C1orf159: variants seen among roughly 807,000 people sequenced by gnomAD.
C1orf159 encodes the protein chromosome 1 open reading frame 159.
A neutral mutation model predicts 25.6 loss-of-function variants in C1orf159; 19 were observed. The observed-to-expected ratio is 0.74, with a 90% CI of 0.52 to 1.09. C1orf159 has a LOEUF of 1.09. Ranked by LOEUF, C1orf159 falls within the 50% of genes least tolerant of loss-of-function variation. The pLI is 0.00. For missense variants in C1orf159, 274 were observed against 290.6 expected (o/e 0.94, Z 0.42); for synonymous variants, 139 against 124.7 (o/e 1.12, Z -0.77).
chr1:1,083,485 G>A (rs554388187), intron 9 of C1orf159: 86 of 216,160 alleles, frequency 4.0e-4, no homozygotes, highest in Admixed American at 3.7e-3. Flanking sequence ...TGGGGGAGAC[G>A]CCGTGGGACC....
intron 1 of C1orf159, among the ~76,000 whole-genome samples, chr1:1,103,121 G>C (rs1646125683): frequency 6.6e-6 from 1 of 152,184 alleles, no homozygotes; most frequent in Non-Finnish European, 1.5e-5. Context: ...GGGATTACAG[G>C]CGTGAGCCAC....
chr1:1,112,913 C>T (rs973380613), intron 1 of C1orf159, among the ~76,000 whole-genome samples: 19 of 152,178 alleles, frequency 1.2e-4, no homozygotes, highest in African/African-American at 3.6e-4. Context: ...TTGCCTTAGT[C>T]GGTGGGGTGC....
intron 1 of C1orf159, among the ~76,000 whole-genome samples, chr1:1,108,413 C>G (rs1198544207): frequency 8.3e-6 from 1 of 120,224 alleles, no homozygotes; most frequent in African/African-American, 4.1e-5. Flanking sequence ...GCCACCATGT[C>G]TCAGCAGCAC....
Position 1,091,526 on chromosome 1 carries a change from G to C in C1orf159, c.18C>G (p.Leu6=), listed in dbSNP as rs115833058. MALRH[L]ALLAGLLVGV... is the part of the protein sequence containing the mutation. ...CCACGAGAAGGCCAGCCAGGAGGGCGAGGTGCCGCAGCGCCATGCCAGGAG... is the reference window on the plus strand; with the variant it reads ...CCACGAGAAGGCCAGCCAGGAGGGCCAGGTGCCGCAGCGCCATGCCAGGAG... The change falls in exon 3 of 10, where the codon CTC becomes CTG. Residue 6 remains leucine, a synonymous_variant. Transcript: ENST00000421241. The C allele has an allele frequency of 6.5e-7, 1 of 1,549,896 alleles. No individual in the cohort carries two copies. The highest frequency in any genetic ancestry group is 2.0e-5 in the Admixed American group (1 of 51,000).
At chr1:1,086,980 G>A (rs1361335546) in intron 6 of C1orf159, among the ~76,000 whole-genome samples, 159 bp downstream of exon 6, 1 of 152,140 alleles carries the variant, frequency 6.6e-6, no homozygotes, top group Non-Finnish European at 1.5e-5. Context: ...ACCCACACCA[G>A]CTGACCCCAA....
intron 9 of C1orf159, chr1:1,084,071 C>T (rs1337617568): frequency 2.5e-6 from 4 of 1,607,028 alleles, no homozygotes; most frequent in Non-Finnish European, 3.4e-6. Context: ...GTCCTCCTTT[C>T]CTGCAGACCC....
rs1028397260 is a variant in C1orf159, at chr1:1,089,934, A to T, written c.148+419T>A. The stretch of plus-strand genomic sequence containing the variant: ...CCGGCATCCTCGTGGCGTCCTGTTG[A>T]TTGGCATTCCACTCCACGCACCAGG... On this transcript the variant is annotated intron_variant, in intron 4 of 9. Coordinates refer to ENST00000421241, the MANE Select transcript of C1orf159 (RefSeq NM_017891.5). The surrounding 1 kb of genome is among the most constrained non-coding windows in gnomAD (Gnocchi z 7.5). Among the ~76,000 whole-genome samples, 4 of 152,124 alleles carry T rather than the reference A, an allele frequency of 2.6e-5. No individual in the cohort carries two copies. Among genetic ancestry groups the T allele is most frequent in the Non-Finnish European group, 5.9e-5 (4 of 68,014 alleles).
At chr1:1,112,415 C>T (rs1031045706) in intron 1 of C1orf159, among the ~76,000 whole-genome samples, 1 of 151,244 alleles carries the variant, frequency 6.6e-6, no homozygotes, top group Non-Finnish European at 1.5e-5. Flanking sequence ...GTGAACACAA[C>T]GCACACGCTC....
chr1:1,091,829 G>A (rs1645943531), intron 2 of C1orf159, 162 bp downstream of exon 2: 4 of 501,122 alleles, frequency 8.0e-6, no homozygotes, highest in Non-Finnish European at 7.5e-6. Flanking sequence ...GGGGTGGGGC[G>A]GGGCCGCGGC....
chr1:1,105,555 C>T (rs1217663126), intron 1 of C1orf159, among the ~76,000 whole-genome samples: 1 of 151,952 alleles, frequency 6.6e-6, no homozygotes, highest in Non-Finnish European at 1.5e-5. Flanking sequence ...AAACAATATA[C>T]CCTTAAATAT....
chr1:1,082,866 G>C lies in C1orf159; in HGVS notation c.*27C>G, dbSNP rs1196271539. ...TCGGCCTCCGGGTCCCTGCCGCCAA[G>C]TGCGTGGCGTGGTCTCGGCCTCCAG... On this transcript the variant is annotated 3_prime_UTR_variant, in exon 10 of 10. Coordinates refer to ENST00000421241, the MANE Select transcript of C1orf159 (RefSeq NM_017891.5). 1 of 1,557,430 alleles carries C rather than the reference G, an allele frequency of 6.4e-7. No individual in the cohort carries two copies. Among genetic ancestry groups the C allele is most frequent in the South Asian group, 1.2e-5 (1 of 84,996 alleles).
intron 6 of C1orf159, among the ~76,000 whole-genome samples, chr1:1,086,821 G>A (rs138512905): frequency 0.012 from 1,788 of 151,992 alleles, 44 homozygotes; most frequent in African/African-American, 0.039. Context: ...AAGAGCGTGC[G>A]GTGTGGCCGT....
At chr1:1,104,764 C>G (rs1051406260) in intron 1 of C1orf159, among the ~76,000 whole-genome samples, 1 of 151,808 alleles carries the variant, frequency 6.6e-6, no homozygotes, top group Non-Finnish European at 1.5e-5. Context: ...CTGGTCGAGC[C>G]GGGAACGCAC....
chr1:1,107,254 T>A (rs1378882074), intron 1 of C1orf159, among the ~76,000 whole-genome samples: 1 of 152,238 alleles, frequency 6.6e-6, no homozygotes, highest in African/African-American at 2.4e-5. Context: ...AGAACTTTTA[T>A]GTCTAGCTGG....
In C1orf159 at chr1:1,087,325, C is replaced by A; in HGVS notation, c.245-121G>T. 8.2e-7 allele frequency: 1 copy of A among 1,220,512 alleles called. No homozygotes were observed. The highest frequency in any genetic ancestry group is 1.1e-6 in the Non-Finnish European group (1 of 889,470). 75.6% of individuals were successfully genotyped at this position (1,220,512 alleles called of 1,614,324 possible). A position where few individuals can be genotyped will look rare whatever the true frequency, so the allele number is the denominator to read the frequency against. On this transcript the variant is annotated intron_variant, in intron 5 of 9. Transcript: ENST00000421241. The surrounding 1 kb of genome is among the most constrained non-coding windows in gnomAD (Gnocchi z 8.3). ...GCGAGGGGCTGAGGGGGCGGAGCAG[C>A]CCTCACCACAGAGCTGTCCCGAATG...
intron 3 of C1orf159, chr1:1,091,068 C>CT: frequency 8.6e-7 from 1 of 1,169,048 alleles, no homozygotes; most frequent in Non-Finnish European, 1.2e-6. Context: ...GGCCCAGGTC[C>CT]GGTCCCTCAA....
chr1:1,093,423 G>A lies in C1orf159; in HGVS notation c.-135-1320C>T, dbSNP rs528382227. Among the ~76,000 whole-genome samples, 12 of 152,302 alleles carry A rather than the reference G, an allele frequency of 7.9e-5. No homozygotes were observed. The East Asian group carries it at 1.7e-3, about 22-fold the overall frequency. ...CCACATCCGTGTAAAGTACACAAGCGGGTGAGTGTGACCACCCCCTTGAAG... is the reference window on the plus strand; with the variant it reads ...CCACATCCGTGTAAAGTACACAAGCAGGTGAGTGTGACCACCCCCTTGAAG... On this transcript the variant is annotated intron_variant, in intron 1 of 9. Transcript: ENST00000421241.
chr1:1,084,812 C>G (rs1163544040), intron 7 of C1orf159, among the ~76,000 whole-genome samples: 1 of 152,146 alleles, frequency 6.6e-6, no homozygotes, highest in Non-Finnish European at 1.5e-5. Context: ...GACAAGCCCC[C>G]CTCATGAGAA....
Position 1,092,055 on chromosome 1 carries a change from C to G in C1orf159, c.-87G>C, listed in dbSNP as rs1463029076. ...GCCCGCCTGGGTGTTCAGGGGTTAG[C>G]TCTGGGAGCTCATGGGCTCAGCTGA... On this transcript the variant is annotated 5_prime_UTR_variant, in exon 2 of 10. Transcript: ENST00000421241. 4 of 454,898 alleles carry G rather than the reference C, an allele frequency of 8.8e-6. No homozygotes were observed. The highest frequency in any genetic ancestry group is 4.7e-5 in the Admixed American group (2 of 42,350). The allele number at this position is 454,898 out of a possible 1,614,324, so 28.2% of individuals were successfully genotyped here.
Sources: allele counts gnomAD v4.1 joint callset (sites outside exome capture counted in the v4.1 genomes callset), GRCh38; gene constraint gnomAD v4.1.1; non-coding constraint Gnocchi (gnomAD v3.1); transcripts MANE v1.5; gene names NCBI Gene and HGNC (gene_info 2026-07-23, HGNC 2026-07-21).